SOX5: variants seen among roughly 807,000 people sequenced by gnomAD.
SOX5 encodes the protein transcription factor SOX-5.
Under a neutral mutation model 92.0 loss-of-function variants are expected in SOX5, and 9 were observed. The ratio of observed to expected loss-of-function variants is 0.10; its 90% CI spans 0.06 to 0.17. SOX5 has a LOEUF of 0.17. Ranked by LOEUF, SOX5 falls within the 10% of genes least tolerant of loss-of-function variation. The probability of loss-of-function intolerance (pLI) is 1.00; values close to 1 mark genes in which losing one functional copy is unlikely to be tolerated. For synonymous variants in SOX5, 344 were observed against 336.3 expected (o/e 1.02, Z -0.25); for missense variants, 642 against 944.5 (o/e 0.68, Z 4.20).
intron 1 of SOX5, among the ~76,000 whole-genome samples, chr12:23,905,873 C>A (rs918021758): frequency 6.6e-6 from 1 of 152,052 alleles, no homozygotes; most frequent in East Asian, 1.9e-4. Context: ...CTAACTTTAC[C>A]TTCGATCATT....
At chr12:23,882,395 A>G (rs2097003934) in intron 2 of SOX5, among the ~76,000 whole-genome samples, 1 of 152,080 alleles carries the variant, frequency 6.6e-6, no homozygotes, top group South Asian at 2.1e-4. Context: ...CCACGGTAAT[A>G]AACACAAACC....
At chr12:23,707,653 T>C (rs1423983225) in intron 6 of SOX5, among the ~76,000 whole-genome samples, 1 of 152,172 alleles carries the variant, frequency 6.6e-6, no homozygotes, top group Non-Finnish European at 1.5e-5. Flanking sequence ...TGGACTTCTT[T>C]TATAAACCTA....
chr12:23,775,568 A>G (rs1167779943), intron 3 of SOX5, among the ~76,000 whole-genome samples: 1 of 152,196 alleles, frequency 6.6e-6, no homozygotes, highest in Non-Finnish European at 1.5e-5. Context: ...TTTCCAGGGT[A>G]ATCCTTATTA....
intron 2 of SOX5, among the ~76,000 whole-genome samples, chr12:24,355,282 C>CAATTTTTTTTTTTT (rs1221012836): frequency 5.6e-5 from 4 of 71,920 alleles, no homozygotes; most frequent in African/African-American, 1.5e-4. Context: ...AGGGGTGCAT[C>CAATTTTTTTTTTTT]TTTTTTTTTT....
intron 6 of SOX5, among the ~76,000 whole-genome samples, chr12:23,680,325 C>CAAA (rs57754255): frequency 2.3e-3 from 109 of 48,098 alleles, no homozygotes; most frequent in East Asian, 6.2e-3. Flanking sequence ...GACCTTGTCT[C>CAAA]AAAAAAAAAA....
intron 2 of SOX5, among the ~76,000 whole-genome samples, chr12:24,360,756 G>A (rs537986048): frequency 9.8e-5 from 15 of 152,292 alleles, no homozygotes; most frequent in African/African-American, 3.1e-4. Flanking sequence ...TGGGTCGCAA[G>A]ATCCAGACTG....
intron 10 of SOX5, among the ~76,000 whole-genome samples, chr12:23,565,685 A>G (rs1293305913): frequency 6.6e-6 from 1 of 152,198 alleles, no homozygotes; most frequent in African/African-American, 2.4e-5. Context: ...GTTTCTGTGC[A>G]GGTAGAAATA....
At chr12:23,766,451 C>T (rs908413126) in intron 3 of SOX5, among the ~76,000 whole-genome samples, 1 of 151,976 alleles carries the variant, frequency 6.6e-6, no homozygotes, top group Non-Finnish European at 1.5e-5. Context: ...AATTCCAGGG[C>T]AATCAGAGAG....
intron 6 of SOX5, among the ~76,000 whole-genome samples, chr12:23,704,715 T>TATATATATATATATATATATAC (rs1434949526): frequency 2.8e-5 from 3 of 108,380 alleles, no homozygotes; most frequent in African/African-American, 9.7e-5. Flanking sequence ...TATATATATA[T>TATATATATATATATATATATAC]ACACACACAC....
At chr12:23,637,958 A>G (rs2079498399) in intron 8 of SOX5, 1 of 152,328 alleles carries the variant, frequency 6.6e-6, no homozygotes, top group African/African-American at 2.4e-5. Context: ...AGGGCACAGA[A>G]GAGGACCTCA....
At chr12:23,809,630 A>AC (rs1344072795) in intron 3 of SOX5, among the ~76,000 whole-genome samples, 1 of 151,332 alleles carries the variant, frequency 6.6e-6, no homozygotes, top group East Asian at 1.9e-4. Flanking sequence ...AAAAAAAAAA[A>AC]CTAATACTCA....
chr12:24,126,273 C>A (rs1011848076), intron 4 of SOX5, among the ~76,000 whole-genome samples: 1 of 152,150 alleles, frequency 6.6e-6, no homozygotes, highest in African/African-American at 2.4e-5. Context: ...CATGTCCCAA[C>A]GCCCACTTAA....
intron 11 of SOX5, among the ~76,000 whole-genome samples, chr12:23,559,857 T>C (rs1945879251): frequency 6.6e-6 from 1 of 152,184 alleles, no homozygotes; most frequent in South Asian, 2.1e-4. Context: ...TTCTGCTTTA[T>C]CTCTCTCACT....
chr12:23,677,791 C>T (rs2085948930), intron 6 of SOX5, among the ~76,000 whole-genome samples: 1 of 152,098 alleles, frequency 6.6e-6, no homozygotes, highest in Non-Finnish European at 1.5e-5. Context: ...TTGTAGCATG[C>T]AGAGTATACT....
chr12:23,663,093 A>C (rs564635896), intron 7 of SOX5, among the ~76,000 whole-genome samples: 89 of 152,224 alleles, frequency 5.8e-4, no homozygotes, highest in African/African-American at 2.0e-3. Flanking sequence ...CATCGTCTGG[A>C]CTACTTTTCA....
At chr12:23,960,532 T>C (rs5016075) in intron 4 of SOX5, among the ~76,000 whole-genome samples, 1,895 of 31,442 alleles carry the variant, frequency 0.06, 9 homozygotes, top group Non-Finnish European at 0.1. Flanking sequence ...TATATATACA[T>C]ATATATATAT....
intron 3 of SOX5, among the ~76,000 whole-genome samples, chr12:23,779,789 AT>A (rs1390432928): frequency 1.2e-4 from 5 of 41,862 alleles, no homozygotes; most frequent in Non-Finnish European, 2.3e-4. Flanking sequence ...ACAGATTAAA[AT>A]ATATATATAT....
intron 4 of SOX5, among the ~76,000 whole-genome samples, chr12:24,142,301 G>A (rs1334871606): frequency 6.6e-6 from 1 of 152,100 alleles, no homozygotes; most frequent in African/African-American, 2.4e-5. Context: ...GGAGATAAGT[G>A]TAACAATGAA....
intron 3 of SOX5, among the ~76,000 whole-genome samples, chr12:23,830,272 A>G (rs923166657): frequency 6.6e-6 from 1 of 152,100 alleles, no homozygotes; most frequent in Non-Finnish European, 1.5e-5. Context: ...TTTCTTTATC[A>G]TCATTTTATG....
Sources: gnomAD v4.1 joint callset for allele counts (sites outside exome capture counted in the v4.1 genomes callset) on GRCh38, gnomAD v4.1.1 for gene constraint, MANE v1.5 for transcripts, NCBI Gene and HGNC (gene_info 2026-07-23, HGNC 2026-07-21) for gene names.